Variants in NFATC2 observed in about 807,000 individuals in gnomAD.
NFATC2 encodes nuclear factor of activated T-cells, cytoplasmic 2.
NFATC2 carries 22 observed loss-of-function variants against 87.3 expected under a neutral mutation model. That is an observed-to-expected ratio of 0.25 (90% confidence interval 0.18 to 0.36). The LOEUF (loss-of-function observed/expected upper bound fraction) is 0.36. Among genes scored for constraint, NFATC2 ranks in the 10% least tolerant of loss-of-function variants. The probability of loss-of-function intolerance (pLI) is 1.00; values close to 1 mark genes in which losing one functional copy is unlikely to be tolerated. For missense variants in NFATC2, 1,149 were observed against 1,259.1 expected (o/e 0.91, Z 1.32); for synonymous variants, 565 against 542.2 (o/e 1.04, Z -0.58).
intron 10 of NFATC2, among the ~76,000 whole-genome samples, chr20:51,397,700 G>T (rs921253384): frequency 6.6e-6 from 1 of 152,134 alleles, no homozygotes; most frequent in Non-Finnish European, 1.5e-5. Flanking sequence ...CCTCCCCCCA[G>T]GGCTTCCTTC....
chr20:51,496,897 A>T (rs2075997766), intron 3 of NFATC2, among the ~76,000 whole-genome samples: 1 of 152,238 alleles, frequency 6.6e-6, no homozygotes. Context: ...TACACAGCTC[A>T]CATTCAGCAT....
Position 51,391,332 on chromosome 20 carries a change from G to T in NFATC2, c.*164C>A. On this transcript the variant is annotated 3_prime_UTR_variant, in exon 11 of 11. Transcript: ENST00000371564. ...AGATGAACATGAAAGGAGACAGAAG[G>T]TGAGGGGCTGTGGAGGGCTCCGAGG... is the stretch of plus-strand genomic sequence containing the variant. 6.6e-7 allele frequency: 1 copy of T among 1,519,326 alleles called. No homozygotes were observed. Among genetic ancestry groups the T allele is most frequent in the Non-Finnish European group, 9.1e-7 (1 of 1,094,098 alleles). The allele number at this position is 1,519,326 out of a possible 1,614,324, so 94.1% of individuals were successfully genotyped here.
chr20:51,425,088 G>A (rs945705869), intron 9 of NFATC2, among the ~76,000 whole-genome samples: 3 of 151,996 alleles, frequency 2.0e-5, no homozygotes, highest in Admixed American at 6.6e-5. Context: ...TGGGGGTGGG[G>A]GGTTGGTAAT....
intron 2 of NFATC2, among the ~76,000 whole-genome samples, chr20:51,522,573 C>CCTT (rs11471491): frequency 6.9e-6 from 1 of 145,504 alleles, no homozygotes; most frequent in Non-Finnish European, 1.5e-5. Flanking sequence ...TCACATATTT[C>CCTT]TTTTTTTTTT....
At chr20:51,410,323 T>C (rs1315671508) in intron 9 of NFATC2, among the ~76,000 whole-genome samples, 1 of 151,794 alleles carries the variant, frequency 6.6e-6, no homozygotes, top group African/African-American at 2.4e-5. Flanking sequence ...GATAACAATA[T>C]CAGGGGAAAA....
rs1407474234 is a variant in NFATC2 at position 51,391,255 on chromosome 20, G to T, written c.*241C>A. 1 of 869,476 alleles carries T rather than the reference G, an allele frequency of 1.2e-6. No individual in the cohort carries two copies. Among genetic ancestry groups the T allele is most frequent in the South Asian group, 1.3e-5 (1 of 75,088 alleles). 53.9% of individuals were successfully genotyped at this position (869,476 alleles called of 1,614,324 possible). A position where few individuals can be genotyped will look rare whatever the true frequency, so the allele number is the denominator to read the frequency against. On this transcript the variant is annotated 3_prime_UTR_variant, in exon 11 of 11. Transcript: ENST00000371564. ...GAGGGAGGTGGCGAGCTCCTTAAGTGAGAGTCCGCTTAGTGCCCATACATT... is the reference window on the plus strand; with the variant it reads ...GAGGGAGGTGGCGAGCTCCTTAAGTTAGAGTCCGCTTAGTGCCCATACATT...
At position 51,410,186 on chromosome 20, in the gene NFATC2, G is replaced by A. The variant is rs1374417672; in HGVS notation, c.2723-11456C>T. On this transcript the variant is annotated intron_variant, in intron 9 of 10. Transcript: ENST00000371564. ...GATCATGCCACTGCACTCCAGCCTG[G>A]GCGACAGAGCGAGACTCTGTCTCAA... Among the ~76,000 whole-genome samples the A allele has an allele frequency of 2.0e-5, 3 of 146,586 alleles. No homozygotes were observed. In the East Asian group the frequency reaches 6.1e-4, roughly 30 times the overall value.
In NFATC2 at chr20:51,391,262, C is replaced by A. The variant is rs577945673; in HGVS notation, c.*234G>T. 1 of 911,494 alleles carries A rather than the reference C, an allele frequency of 1.1e-6. No homozygotes were observed. Among genetic ancestry groups the A allele is most frequent in the Admixed American group, 1.7e-5 (1 of 57,604 alleles). The allele number at this position is 911,494 out of a possible 1,614,324, so 56.5% of individuals were successfully genotyped here. A position where few individuals can be genotyped will look rare whatever the true frequency, so the allele number is the denominator to read the frequency against. On this transcript the variant is annotated 3_prime_UTR_variant, in exon 11 of 11. Transcript: ENST00000371564. ...GTGGCGAGCTCCTTAAGTGAGAGTCCGCTTAGTGCCCATACATTGATCCGC... is the reference window on the plus strand; with the variant it reads ...GTGGCGAGCTCCTTAAGTGAGAGTCAGCTTAGTGCCCATACATTGATCCGC...
chr20:51,485,766 C>T (rs991647451), intron 3 of NFATC2, among the ~76,000 whole-genome samples: 1 of 152,176 alleles, frequency 6.6e-6, no homozygotes, highest in African/African-American at 2.4e-5. Flanking sequence ...CCTCACTAGG[C>T]TGTTGGCAGG....
rs144923392 is a variant in NFATC2 at position 51,556,987 on chromosome 20, G to T, written c.70+5573C>A. On this transcript the variant is annotated intron_variant, in intron 1 of 10. Coordinates refer to the NFATC2 transcript ENST00000414705. ...ACTTCGTGGCGGGCTGGCTCCTTTAGGGGGCTGGGGCCTTCCTCTTCAGCT... is the reference window on the plus strand; with the variant it reads ...ACTTCGTGGCGGGCTGGCTCCTTTATGGGGCTGGGGCCTTCCTCTTCAGCT... Among the ~76,000 whole-genome samples the T allele has an allele frequency of 7.4e-3, 1,127 of 152,278 alleles. 20 individuals carry two copies. Among genetic ancestry groups the T allele is most frequent in the African/African-American group, 0.026 (1,071 of 41,534 alleles).
intron 3 of NFATC2, among the ~76,000 whole-genome samples, chr20:51,504,789 G>T (rs2076148597): frequency 6.6e-6 from 1 of 152,070 alleles, no homozygotes; most frequent in Admixed American, 6.5e-5. Flanking sequence ...ATCCATTTAT[G>T]CATGGAATGC....
At chr20:51,439,833 C>T (rs573519362) in intron 6 of NFATC2, among the ~76,000 whole-genome samples, 7 of 152,312 alleles carry the variant, frequency 4.6e-5, no homozygotes, top group South Asian at 2.1e-4. Context: ...AGATATGGCA[C>T]GATCTCTCTC....
intron 5 of NFATC2, among the ~76,000 whole-genome samples, chr20:51,468,711 G>T (rs905885909): frequency 6.6e-6 from 1 of 152,218 alleles, no homozygotes; most frequent in Non-Finnish European, 1.5e-5. Flanking sequence ...GCTGAGCCCC[G>T]GCAAACATTG....
chr20:51,398,842 C>A, intron 9 of NFATC2, 112 bp from the exon 10 acceptor site: 2 of 749,444 alleles, frequency 2.7e-6, no homozygotes, highest in Non-Finnish European at 4.6e-6. Flanking sequence ...GGAACTTAAC[C>A]CTTTGGCTCT....
intron 3 of NFATC2, among the ~76,000 whole-genome samples, chr20:51,498,494 TG>T (rs1308226919): frequency 6.6e-6 from 1 of 151,860 alleles, no homozygotes; most frequent in Non-Finnish European, 1.5e-5. Flanking sequence ...TATCAGGCTA[TG>T]GAAAAAAAGA....
chr20:51,432,107 A>T lies in NFATC2; in HGVS notation c.2682T>A (p.Ile894=), dbSNP rs1382859859. ...QKEVLPAGVT[I]KQEQNLDQTY... Reference sequence around the variant, plus strand: ...TCTGGTCCAAGTTCTGCTCCTGTTTAATGGTCACCCCCGCAGGTAATACTT... The same window carrying T: ...TCTGGTCCAAGTTCTGCTCCTGTTTTATGGTCACCCCCGCAGGTAATACTT... Residue 894 remains isoleucine, a synonymous_variant, in exon 9 of 11, where the codon ATT becomes ATA. Transcript: ENST00000371564. The surrounding 1 kb of genome is among the most constrained non-coding windows in gnomAD (Gnocchi z 4.6). 1.9e-6 allele frequency: 3 copies of T among 1,546,976 alleles called. No homozygotes were observed. The highest frequency in any genetic ancestry group is 8.7e-7 in the Non-Finnish European group (1 of 1,143,594).
intron 9 of NFATC2, among the ~76,000 whole-genome samples, chr20:51,399,823 A>AGTACTGTCGGATAATTCACTCAGG (rs1320654584): frequency 2.0e-5 from 3 of 152,338 alleles, no homozygotes; most frequent in African/African-American, 7.2e-5. Context: ...AAGAGCAGAC[A>AGTACTGTCGGATAATTCACTCAGG]GTACTGTCGG....
At chr20:51,495,912 A>G (rs55826732) in intron 3 of NFATC2, among the ~76,000 whole-genome samples, 2,234 of 152,292 alleles carry the variant, frequency 0.015, 59 homozygotes, top group African/African-American at 0.051. Context: ...AGGATGCTAA[A>G]GTAGGAAGGT....
intron 3 of NFATC2, among the ~76,000 whole-genome samples, chr20:51,494,246 G>C (rs1436172134): frequency 6.6e-6 from 1 of 151,994 alleles, no homozygotes; most frequent in African/African-American, 2.4e-5. Flanking sequence ...AATTTCCATG[G>C]GTTTGCTCAG....
Sources: allele counts gnomAD v4.1 joint callset (sites outside exome capture counted in the v4.1 genomes callset), GRCh38; gene constraint gnomAD v4.1.1; non-coding constraint Gnocchi (gnomAD v3.1); transcripts MANE v1.5; gene names NCBI Gene and HGNC (gene_info 2026-07-23, HGNC 2026-07-21).